Variants in ZWINT observed in about 807,000 individuals in gnomAD.
ZWINT encodes the protein outer kinetochore KNL1 complex subunit ZWINT.
ZWINT carries 41 observed loss-of-function variants against 41.5 expected under a neutral mutation model. The ratio of observed to expected loss-of-function variants is 0.99; its 90% CI spans 0.77 to 1.28. The LOEUF is 1.28. Among genes scored for constraint, ZWINT ranks in the 50% most tolerant of loss-of-function variants. The pLI, the probability that ZWINT is intolerant of heterozygous loss-of-function variation, is 0.00. For missense variants in ZWINT, 369 were observed against 329.7 expected (o/e 1.12, Z -0.92); for synonymous variants, 132 against 126.8 (o/e 1.04, Z -0.28).
chr10:56,358,073 A>G lies in ZWINT; in HGVS notation c.*154T>C. 1 of 595,376 alleles carries G rather than the reference A, an allele frequency of 1.7e-6. No homozygotes were observed. The highest frequency in any genetic ancestry group is 1.4e-5 in the South Asian group (1 of 72,130). The allele number at this position is 595,376 out of a possible 1,614,324, so 36.9% of individuals were successfully genotyped here. A position where few individuals can be genotyped will look rare whatever the true frequency, so the allele number is the denominator to read the frequency against. ...ATACACAACTGAGAGAGATCCAGGGATTTTAATCCACAGATGCCAGAGCTT... is the reference window on the plus strand; with the variant it reads ...ATACACAACTGAGAGAGATCCAGGGGTTTTAATCCACAGATGCCAGAGCTT... On this transcript the variant is annotated 3_prime_UTR_variant, in exon 9 of 9. Coordinates refer to ENST00000373944, the MANE Select transcript of ZWINT (RefSeq NM_007057.4).
Position 56,358,106 on chromosome 10 carries a change from T to G in ZWINT, c.*121A>C. ...CCACAGATGCCAGAGCTTGCTGGGA[T>G]GTAGTCAGAAATCAAGCTGAACTCA... On this transcript the variant is annotated 3_prime_UTR_variant, in exon 9 of 9. Coordinates refer to ENST00000373944, the MANE Select transcript of ZWINT (RefSeq NM_007057.4). 3.1e-6 allele frequency: 2 copies of G among 647,752 alleles called. No homozygotes were observed. Among genetic ancestry groups the G allele is most frequent in the Non-Finnish European group, 6.0e-6 (2 of 333,966 alleles). 40.1% of individuals were successfully genotyped at this position (647,752 alleles called of 1,614,324 possible).
Position 56,360,212 on chromosome 10 carries a change from C to T in ZWINT, c.133-71G>A, listed in dbSNP as rs571216980. ...CAGGTTTCCTTAAGTCTGCTCTCTG[C>T]CAGTGCTGCCCTGTATCTCAGTAAG... On this transcript the variant is annotated intron_variant, in intron 2 of 8. Transcript: ENST00000373944. The T allele has an allele frequency of 1.2e-4, 194 of 1,610,754 alleles. No homozygotes were observed. The Middle Eastern group carries it at 1.8e-3, about 15-fold the overall frequency.
rs1174659867 is a variant in ZWINT at position 56,358,712 on chromosome 10, G to A, written c.636C>T (p.Phe212=). ...CCTGCAGGGTATACAGAAGCTGGAG[G>A]AAGGTCTGATACCTACAAAGAGGAG... is the stretch of plus-strand genomic sequence containing the variant. The part of the protein sequence containing the change: ...ERDKLQRYQT[F]LQLLYTLQGK... Residue 212 remains phenylalanine, a synonymous_variant, in exon 7 of 9, where the codon TTC becomes TTT. Transcript: ENST00000373944. The A allele has an allele frequency of 6.2e-7, 1 of 1,614,172 alleles. No homozygotes were observed. Among genetic ancestry groups the A allele is most frequent in the Non-Finnish European group, 8.5e-7 (1 of 1,180,028 alleles).
rs187734016 is a variant in ZWINT, at chr10:56,360,043, G to A, written c.231C>T (p.Asp77=). The A allele has an allele frequency of 9.3e-6, 15 of 1,614,080 alleles. 1 individual carries two copies. In the Middle Eastern group the frequency reaches 8.3e-4, roughly 89 times the overall value. ...GGCTCGTGTCTTCAGAAGCCAAGGG[G>A]TCGAGACCCTTAGCAGTGTCCTCCT... ...LAQEDTAKGL[D]PLASEDTSRQ... The change falls in exon 3 of 9, where the codon GAC becomes GAT. Residue 77 remains aspartate, a synonymous_variant. Coordinates refer to ENST00000373944, the MANE Select transcript of ZWINT (RefSeq NM_007057.4).
intron 2 of ZWINT, 21 bp from the exon 3 acceptor site, chr10:56,360,162 G>A: frequency 6.2e-7 from 1 of 1,613,584 alleles, no homozygotes; most frequent in Non-Finnish European, 8.5e-7. Flanking sequence ...GGAGGGCAGA[G>A]ACAGGGAACA....
Position 56,358,424 on chromosome 10 carries a change from C to T in ZWINT, c.828G>A (p.Leu276=). 1 of 1,614,126 alleles carries T rather than the reference C, an allele frequency of 6.2e-7. No individual in the cohort carries two copies. Among genetic ancestry groups the T allele is most frequent in the Non-Finnish European group, 8.5e-7 (1 of 1,180,012 alleles). ...GCTGCTGTCCTCCAGGAAGTCATGGCAAATTTACATCTCCAGCAGGTTGTA... is the reference window on the plus strand; with the variant it reads ...GCTGCTGTCCTCCAGGAAGTCATGGTAAATTTACATCTCCAGCAGGTTGTA... ...VGLQPAGDVN[L]P is the part of the protein sequence containing the mutation. The change falls in exon 8 of 9, where the codon TTG becomes TTA. Residue 276 remains leucine, a synonymous_variant. Coordinates refer to ENST00000373944, the MANE Select transcript of ZWINT (RefSeq NM_007057.4).
intron 5 of ZWINT, among the ~76,000 whole-genome samples, chr10:56,359,198 C>G (rs1589337211): frequency 6.6e-6 from 1 of 152,150 alleles, no homozygotes; most frequent in African/African-American, 2.4e-5. Flanking sequence ...GTGCCAGGTA[C>G]TATTTTAAAG....
At chr10:56,358,295 C>G in intron 8 of ZWINT, 82 bp downstream of exon 8, 1 of 1,151,366 alleles carries the variant, frequency 8.7e-7, no homozygotes, top group East Asian at 2.3e-5. Context: ...TAGCAGAGCT[C>G]AGATGCAGAG....
At chr10:56,359,013 C>A (rs890706146) in intron 5 of ZWINT, 66 bp from the exon 6 acceptor site, 13 of 1,577,226 alleles carry the variant, frequency 8.2e-6, no homozygotes, top group Non-Finnish European at 1.1e-5. Context: ...CCCTCCAACC[C>A]CTCCAGCCTA....
At chr10:56,359,900 T>A (rs756871503) in intron 3 of ZWINT, 47 bp from the exon 4 acceptor site, 2 of 1,607,604 alleles carry the variant, frequency 1.2e-6, no homozygotes, top group East Asian at 4.5e-5. Context: ...GGTGGCCTGC[T>A]AGCCTGCCTC....
In ZWINT at chr10:56,359,727, C is replaced by T. The variant is rs781108805; in HGVS notation, c.383G>A (p.Arg128Gln). The T allele has an allele frequency of 2.5e-5, 40 of 1,614,036 alleles. No homozygotes were observed. Among genetic ancestry groups the T allele is most frequent in the Non-Finnish European group, 3.1e-5 (36 of 1,180,032 alleles). ...CTCAAAGGCTTCCCGGAGTTGTGTC[C>T]GTTTCCTCTGGGCTTCCTCCATCTG... ...LTQMEEAQRK[R>Q]TQLREAFEQL... The change falls in exon 4 of 9, where the codon CGG becomes CAG. Residue 128 changes from arginine (R) to glutamine (Q), a missense_variant. Transcript: ENST00000373944.
Position 56,358,659 on chromosome 10 carries a change from G to A in ZWINT, c.689C>T (p.Ala230Val), listed in dbSNP as rs148278839. 292 of 1,613,874 alleles carry A rather than the reference G, an allele frequency of 1.8e-4. No homozygotes were observed. The highest frequency in any genetic ancestry group is 2.4e-4 in the Non-Finnish European group (281 of 1,180,046). Reference protein sequence around the residue: ...QGKLLFPEAEAEAENLPDDKP... With the variant: ...QGKLLFPEAEVEAENLPDDKP... ...ATCATCTGGAAGATTCTCTGCCTCA[G>A]CCTCAGCCTCAGGGAACAACAGCTT... The change falls in exon 7 of 9, where the codon GCT becomes GTT. Residue 230 changes from alanine to valine, a missense_variant. By Grantham distance (64) the Ala-to-Val change is moderately conservative. Transcript: ENST00000373944.
rs1454050701 is a variant in ZWINT, at chr10:56,359,465, G to A, written c.480+11C>T. The A allele has an allele frequency of 1.3e-6, 2 of 1,527,174 alleles. No individual in the cohort carries two copies. Among genetic ancestry groups the A allele is most frequent in the East Asian group, 2.3e-5 (1 of 44,244 alleles). The allele number at this position is 1,527,174 out of a possible 1,614,324, so 94.6% of individuals were successfully genotyped here. ...GTGGGAAGGGATATTCTCCTAGGGGGACGAACCTACCTGTTGTAGCTGCCA... is the reference window on the plus strand; with the variant it reads ...GTGGGAAGGGATATTCTCCTAGGGGAACGAACCTACCTGTTGTAGCTGCCA... On this transcript the variant is annotated intron_variant, in intron 5 of 8. Coordinates refer to ENST00000373944, the MANE Select transcript of ZWINT (RefSeq NM_007057.4).
chr10:56,361,058 G>A (rs1029223094), intron 1 of ZWINT, 138 bp downstream of exon 1: 9 of 905,874 alleles, frequency 9.9e-6, no homozygotes, highest in Non-Finnish European at 1.5e-5. Context: ...CCTAAGACGG[G>A]ACTGCGGTGA....
At position 56,359,852 on chromosome 10, in the gene ZWINT, T is replaced by A. The variant is rs1042964324; in HGVS notation, c.258A>T (p.Arg86=). The A allele has an allele frequency of 3.2e-5, 52 of 1,613,906 alleles. No individual in the cohort carries two copies. The highest frequency in any genetic ancestry group is 6.7e-5 in the Admixed American group (4 of 60,004). The part of the protein sequence containing the change: ...LDPLASEDTS[R]QKAIAAKEQW... ...GTTCCTTAGCTGCAATTGCCTTCTG[T>A]CCTGAGATGAGCCACCAGGAATGAG... Residue 86 remains arginine (R), a splice_region_variant and synonymous_variant, in exon 4 of 9, where the codon CGA becomes CGT. Transcript: ENST00000373944.
chr10:56,359,423 G>T (rs1235155070), intron 5 of ZWINT, 53 bp downstream of exon 5: 2 of 1,481,484 alleles, frequency 1.3e-6, no homozygotes, highest in African/African-American at 1.4e-5. Flanking sequence ...GGACACAGCC[G>T]ATACAATGGC....
At position 56,358,642 on chromosome 10, in the gene ZWINT, G is replaced by A. The variant is rs757291953; in HGVS notation, c.706C>T (p.Pro236Ser). The change falls in exon 7 of 9, where the codon CCA becomes TCA. Residue 236 changes from proline (P) to serine (S), a missense_variant. Coordinates refer to ENST00000373944, the MANE Select transcript of ZWINT (RefSeq NM_007057.4). ...GTCGGCTGCTGGGGTTTATCATCTG[G>A]AAGATTCTCTGCCTCAGCCTCAGCC... ...PEAEAEAENL[P>S]DDKPQQPTRP... is the part of the protein sequence containing the mutation. The A allele has an allele frequency of 9.9e-6, 16 of 1,613,854 alleles. No individual in the cohort carries two copies. The Admixed American group carries it at 2.7e-4, about 27-fold the overall frequency.
At chr10:56,359,041 A>G (rs1838251132) in intron 5 of ZWINT, 94 bp from the exon 6 acceptor site, 1 of 1,455,752 alleles carries the variant, frequency 6.9e-7, no homozygotes, top group Non-Finnish European at 9.3e-7. Flanking sequence ...CTCAGGGCTC[A>G]GGCTCAATGA....
Position 56,357,899 on chromosome 10 carries a change from C to A in ZWINT, c.*328G>T. On this transcript the variant is annotated 3_prime_UTR_variant, in exon 9 of 9. Transcript: ENST00000373944. ...ATTCTCCTCCTCCTTGAATTAAATTCACCATGTCTGCATCATAGGAGGCCC... is the reference window on the plus strand; with the variant it reads ...ATTCTCCTCCTCCTTGAATTAAATTAACCATGTCTGCATCATAGGAGGCCC... The A allele has an allele frequency of 2.8e-6, 1 of 361,650 alleles. No individual in the cohort carries two copies. Among genetic ancestry groups the A allele is most frequent in the Non-Finnish European group, 5.5e-6 (1 of 183,298 alleles). 22.4% of individuals were successfully genotyped at this position (361,650 alleles called of 1,614,324 possible). A position where few individuals can be genotyped will look rare whatever the true frequency, so the allele number is the denominator to read the frequency against.
Sources: gnomAD v4.1 joint callset for allele counts (sites outside exome capture counted in the v4.1 genomes callset) on GRCh38, gnomAD v4.1.1 for gene constraint, MANE v1.5 for transcripts, NCBI Gene and HGNC (gene_info 2026-07-23, HGNC 2026-07-21) for gene names.